PLEKHG4B: variants seen among roughly 807,000 people sequenced by gnomAD.
PLEKHG4B encodes pleckstrin homology domain-containing family G member 4B.
In PLEKHG4B, 111 loss-of-function variants were observed where a neutral mutation model predicts 121.3. The observed-to-expected ratio is 0.92, with a 90% CI of 0.78 to 1.07. The LOEUF (loss-of-function observed/expected upper bound fraction) is 1.07. Among genes scored for constraint, PLEKHG4B ranks in the 50% least tolerant of loss-of-function variants. The pLI, the probability that PLEKHG4B is intolerant of heterozygous loss-of-function variation, is 0.00. For synonymous variants in PLEKHG4B, 738 were observed against 725.0 expected (o/e 1.02, Z -0.29); for missense variants, 1,831 against 1,757.8 (o/e 1.04, Z -0.74).
intron 1 of PLEKHG4B, among the ~76,000 whole-genome samples, chr5:99,343 G>A (rs567591989): frequency 4.0e-5 from 6 of 151,620 alleles, no homozygotes; most frequent in East Asian, 1.9e-4. Flanking sequence ...TAGTGTGGAC[G>A]TCTTACATGT....
In PLEKHG4B at chr5:163,152, G is replaced by T. The variant is rs183072558; in HGVS notation, c.3080G>T (p.Arg1027Leu). Residue 1027 changes from arginine to leucine, a missense_variant, in exon 13 of 20, where the codon CGC becomes CTC. Transcript: ENST00000637938. ...TGTGGACAGGACGGGGAGACCCTGC[G>T]CCCAGGGCTGTGTGCTCTGTGGGAC... is the stretch of plus-strand genomic sequence containing the variant. ...LLCGQDGETL[R>L]PGLCALWDPL... 1 of 1,558,208 alleles carries T rather than the reference G, an allele frequency of 6.4e-7. No homozygotes were observed. Among genetic ancestry groups the T allele is most frequent in the Non-Finnish European group, 8.7e-7 (1 of 1,152,882 alleles).
rs1398860641 is a variant in PLEKHG4B, at chr5:164,947, G to A, written c.3476+1399G>A. Among the ~76,000 whole-genome samples the A allele has an allele frequency of 1.2e-3, 58 of 46,792 alleles. 2 individuals carry two copies. Among genetic ancestry groups the A allele is most frequent in the South Asian group, 1.6e-3 (2 of 1,214 alleles). The allele number at this position is 46,792 out of a possible 152,430, so 30.7% of individuals were successfully genotyped here. ...TCACACTAATGCTGTGACGGGGCGG[G>A]GCTTACACACTAATGCTCTGACGGG... On this transcript the variant is annotated intron_variant, in intron 13 of 19. Transcript: ENST00000637938.
chr5:136,997 A>G (rs1309974698), intron 2 of PLEKHG4B, among the ~76,000 whole-genome samples: 2 of 152,252 alleles, frequency 1.3e-5, no homozygotes, highest in African/African-American at 2.4e-5. Context: ...GTCTATACAC[A>G]TAATGGAATA....
intron 18 of PLEKHG4B, among the ~76,000 whole-genome samples, chr5:178,369 C>T (rs1023432580): frequency 6.6e-6 from 1 of 152,222 alleles, no homozygotes; most frequent in African/African-American, 2.4e-5. Context: ...CTACCTGTAA[C>T]AGCTTCGATT....
At chr5:121,921 G>A (rs1259899402) in intron 2 of PLEKHG4B, among the ~76,000 whole-genome samples, 1 of 151,814 alleles carries the variant, frequency 6.6e-6, no homozygotes, top group Non-Finnish European at 1.5e-5. Context: ...CTAAATACGT[G>A]AGTAAATATG....
intron 11 of PLEKHG4B, among the ~76,000 whole-genome samples, 153 bp from the exon 12 acceptor site, chr5:161,630 G>A (rs999867785): frequency 2.6e-5 from 4 of 152,164 alleles, no homozygotes; most frequent in African/African-American, 9.7e-5. Context: ...TCGGTCCTTT[G>A]GTGCCTGCTC....
rs1736521726 is a variant in PLEKHG4B, at chr5:170,941, G to A, written c.3730-102G>A. On this transcript the variant is annotated intron_variant, in intron 14 of 19. Transcript: ENST00000637938. ...TCATGGTACAAACTGCACCTGGGGG[G>A]TCTTGGGACGGGAGCAGTTCCAAGT... The A allele has an allele frequency of 4.6e-6, 4 of 864,198 alleles. No individual in the cohort carries two copies. The South Asian group carries it at 6.5e-5, about 14-fold the overall frequency. 53.5% of individuals were successfully genotyped at this position (864,198 alleles called of 1,614,324 possible).
In PLEKHG4B at chr5:183,161, G is replaced by A. The variant is rs1399289858; in HGVS notation, c.*838G>A. On this transcript the variant is annotated 3_prime_UTR_variant, in exon 20 of 20. Coordinates refer to ENST00000637938, the MANE Select transcript of PLEKHG4B (RefSeq NM_052909.5). ...GAATGGGGATAATTAGCCCTAGACTGAGCCCTGCTCCTGACTCGCCTACAA... is the reference window on the plus strand; with the variant it reads ...GAATGGGGATAATTAGCCCTAGACTAAGCCCTGCTCCTGACTCGCCTACAA... The A allele has an allele frequency of 6.6e-6, 1 of 152,238 alleles. No individual in the cohort carries two copies. The highest frequency in any genetic ancestry group is 2.4e-5 in the African/African-American group (1 of 41,442). 9.4% of individuals were successfully genotyped at this position (152,238 alleles called of 1,614,324 possible). A position where few individuals can be genotyped will look rare whatever the true frequency, so the allele number is the denominator to read the frequency against.
chr5:174,965 C>A (rs1034467341), intron 18 of PLEKHG4B, among the ~76,000 whole-genome samples: 1 of 152,098 alleles, frequency 6.6e-6, no homozygotes, highest in Non-Finnish European at 1.5e-5. Flanking sequence ...CCCATGGGCA[C>A]CCAAGAGGCC....
rs188591485 is a variant in PLEKHG4B at position 93,552 on chromosome 5, C to G, written c.45+1276C>G. On this transcript the variant is annotated intron_variant, in intron 1 of 19. Coordinates refer to ENST00000637938, the MANE Select transcript of PLEKHG4B (RefSeq NM_052909.5). Reference sequence around the variant, plus strand: ...GGTTTTTATTTCACTGTGCGGCATCCGGTGTGCAAATGCAGATGTGGCCTG... The same window carrying G: ...GGTTTTTATTTCACTGTGCGGCATCGGGTGTGCAAATGCAGATGTGGCCTG... 2.0e-5 allele frequency among the ~76,000 whole-genome samples: 3 copies of G among 152,102 alleles called. No individual in the cohort carries two copies. In the East Asian group the frequency reaches 5.8e-4, roughly 29 times the overall value.
rs748636766 is a variant in PLEKHG4B at position 156,921 on chromosome 5, G to A, written c.2487+10G>A. Reference sequence around the variant, plus strand: ...GGAAGGGAATGACCAGGTCAGAGCTGCAGGAGGAAGGCGGCCCGGTCAGCA... The same window carrying A: ...GGAAGGGAATGACCAGGTCAGAGCTACAGGAGGAAGGCGGCCCGGTCAGCA... On this transcript the variant is annotated intron_variant, in intron 11 of 19. Coordinates refer to ENST00000637938, the MANE Select transcript of PLEKHG4B (RefSeq NM_052909.5). The surrounding 1 kb of genome is among the most constrained non-coding windows in gnomAD (Gnocchi z 4.4). The A allele has an allele frequency of 6.8e-6, 11 of 1,611,156 alleles. 1 individual carries two copies. The South Asian group carries it at 1.1e-4, about 16-fold the overall frequency.
rs538556982 is a variant in PLEKHG4B at position 142,904 on chromosome 5, G to C, written c.1478-143G>C. 6.6e-5 allele frequency: 52 copies of C among 787,098 alleles called. No homozygotes were observed. In the Middle Eastern group the frequency reaches 2.8e-3, roughly 43 times the overall value. 48.8% of individuals were successfully genotyped at this position (787,098 alleles called of 1,614,324 possible). A position where few individuals can be genotyped will look rare whatever the true frequency, so the allele number is the denominator to read the frequency against. ...GCAGTGGGACATGCTTTCACTTCCC[G>C]TGTGAACTGGGACAAGTTTTCTCGG... On this transcript the variant is annotated intron_variant, in intron 3 of 19. Transcript: ENST00000637938.
chr5:162,089 C>T lies in PLEKHG4B; in HGVS notation c.2649+145C>T, dbSNP rs1046547339. On this transcript the variant is annotated intron_variant, in intron 12 of 19. Coordinates refer to ENST00000637938, the MANE Select transcript of PLEKHG4B (RefSeq NM_052909.5). The stretch of plus-strand genomic sequence containing the variant: ...TGCGATGGAGCCCCCCTGGCCACTG[C>T]GCCCACGGCTCTCTGGAGAAGGCTC... The T allele has an allele frequency of 1.0e-4, 110 of 1,063,532 alleles. 1 individual carries two copies. Among genetic ancestry groups the T allele is most frequent in the East Asian group, 3.4e-4 (13 of 38,254 alleles). 65.9% of individuals were successfully genotyped at this position (1,063,532 alleles called of 1,614,324 possible).
chr5:136,859 C>T (rs376841975), intron 2 of PLEKHG4B, among the ~76,000 whole-genome samples: 5 of 152,286 alleles, frequency 3.3e-5, no homozygotes, highest in East Asian at 3.9e-4. Flanking sequence ...CTTCTGGGCA[C>T]CTACCCAAAA....
At chr5:115,162 T>C (rs545697724) in intron 2 of PLEKHG4B, among the ~76,000 whole-genome samples, 1 of 152,384 alleles carries the variant, frequency 6.6e-6, no homozygotes, top group Non-Finnish European at 1.5e-5. Context: ...GGATTTTGTG[T>C]TACCACAGAT....
In PLEKHG4B at chr5:155,430, C is replaced by T; in HGVS notation, c.2195C>T (p.Pro732Leu). ...SFCSLNTHRT[P>L]RTAQEVAELI... Reference sequence around the variant, plus strand: ...TGCTCCCTGAACACCCACAGAACCCCAAGAACAGCCCAGGTGAGTCCTCAG... The same window carrying T: ...TGCTCCCTGAACACCCACAGAACCCTAAGAACAGCCCAGGTGAGTCCTCAG... The change falls in exon 9 of 20, where the codon CCA becomes CTA. Residue 732 changes from proline to leucine, a missense_variant. Coordinates refer to ENST00000637938, the MANE Select transcript of PLEKHG4B (RefSeq NM_052909.5). The T allele has an allele frequency of 6.2e-7, 1 of 1,613,880 alleles. No homozygotes were observed. The highest frequency in any genetic ancestry group is 8.5e-7 in the Non-Finnish European group (1 of 1,179,754).
chr5:161,935 G>T lies in PLEKHG4B; in HGVS notation c.2640G>T (p.Leu880Phe), dbSNP rs1425705221. Residue 880 changes from leucine to phenylalanine, a missense_variant, in exon 12 of 20, where the codon TTG becomes TTT. Coordinates refer to ENST00000637938, the MANE Select transcript of PLEKHG4B (RefSeq NM_052909.5). ...ELARWTRSSELCETVSSWMGP... is the reference protein window; with the variant it reads ...ELARWTRSSEFCETVSSWMGP... ...CCAGGTGGACCCGCTCGTCCGAGTT[G>T]TGCGAGACGGTAAGAGACCCAGTGG... The T allele has an allele frequency of 6.2e-7, 1 of 1,610,388 alleles. No individual in the cohort carries two copies. Among genetic ancestry groups the T allele is most frequent in the Non-Finnish European group, 8.5e-7 (1 of 1,178,612 alleles).
At chr5:175,542 A>C (rs1736734399) in intron 18 of PLEKHG4B, among the ~76,000 whole-genome samples, 1 of 151,892 alleles carries the variant, frequency 6.6e-6, no homozygotes, top group Non-Finnish European at 1.5e-5. Context: ...GGCCTCTCAG[A>C]CCTAAAACCC....
chr5:131,088 T>C (rs1017402379), intron 2 of PLEKHG4B, among the ~76,000 whole-genome samples: 1 of 152,140 alleles, frequency 6.6e-6, no homozygotes, highest in Non-Finnish European at 1.5e-5. Context: ...GCCCCACGCC[T>C]CTGCAAGTTC....
Sources: allele counts gnomAD v4.1 joint callset (sites outside exome capture counted in the v4.1 genomes callset), GRCh38; gene constraint gnomAD v4.1.1; non-coding constraint Gnocchi (gnomAD v3.1); transcripts MANE v1.5; gene names NCBI Gene and HGNC (gene_info 2026-07-23, HGNC 2026-07-21).